UROC1: variants seen among roughly 807,000 people sequenced by gnomAD.
UROC1 encodes urocanate hydratase.
Under a neutral mutation model 89.5 loss-of-function variants are expected in UROC1, and 79 were observed. The observed-to-expected ratio is 0.88, with a 90% CI of 0.74 to 1.06. UROC1 has a LOEUF of 1.06. Ranked by LOEUF, UROC1 falls within the 50% of genes least tolerant of loss-of-function variation. The pLI, the probability that UROC1 is intolerant of heterozygous loss-of-function variation, is 0.00. For missense variants in UROC1, 885 were observed against 907.8 expected, an observed-to-expected ratio of 0.97 and a Z score of 0.32; for synonymous variants, 361 against 354.8, an observed-to-expected ratio of 1.02 and a Z score of -0.20.
intron 10 of UROC1, 138 bp from the exon 11 acceptor site, chr3:126,501,012 C>G (rs1342456399): frequency 2.2e-6 from 3 of 1,369,984 alleles, no homozygotes; most frequent in Non-Finnish European, 3.1e-6. Context: ...CCTGCTTTCC[C>G]CCTGGAAAGA....
At chr3:126,496,974 G>A (rs540212728) in intron 14 of UROC1, among the ~76,000 whole-genome samples, 4 of 152,146 alleles carry the variant, frequency 2.6e-5, no homozygotes, top group African/African-American at 4.8e-5. Flanking sequence ...GCTTCTTTCC[G>A]GAGGGCTGGT....
Position 126,505,810 on chromosome 3 carries a change from C to T in UROC1, c.704G>A (p.Gly235Asp). Residue 235 changes from glycine to aspartate, a missense_variant, in exon 8 of 20, where the codon GGC (glycine) becomes GAC (aspartate). Coordinates refer to ENST00000290868, the MANE Select transcript of UROC1 (RefSeq NM_144639.3). ...GACCTTCCCAGCCAAGTCCTCGATG[C>T]CCAGGTACCGACGTGCAGCATTCAA... is the stretch of plus-strand genomic sequence containing the variant. The part of the protein sequence containing the change: ...TVLNAARRYL[G>D]IEDLAGKVFV... 6.2e-7 allele frequency: 1 copy of T among 1,613,910 alleles called. No homozygotes were observed. Among genetic ancestry groups the T allele is most frequent in the South Asian group, 1.1e-5 (1 of 91,086 alleles).
At chr3:126,495,493 A>T (rs1003604274) in intron 15 of UROC1, among the ~76,000 whole-genome samples, 26 of 152,270 alleles carry the variant, frequency 1.7e-4, no homozygotes, top group African/African-American at 6.3e-4. Context: ...CTTCCGTTTG[A>T]GGCCGAGTCA....
chr3:126,509,307 T>G (rs1229459272), intron 3 of UROC1, among the ~76,000 whole-genome samples: 1 of 151,894 alleles, frequency 6.6e-6, no homozygotes, highest in African/African-American at 2.4e-5. Flanking sequence ...TAGTGTAAAT[T>G]TGTTTATTTT....
chr3:126,506,643 C>G (rs1252009204), intron 6 of UROC1, among the ~76,000 whole-genome samples: 1 of 152,152 alleles, frequency 6.6e-6, no homozygotes, highest in South Asian at 2.1e-4. Context: ...GAGGCCGGCT[C>G]GAATGGTCTA....
rs1267116133 is a variant in UROC1, at chr3:126,481,599, T to G, written c.*746A>C. 2 of 152,210 alleles carry G rather than the reference T, an allele frequency of 1.3e-5. No individual in the cohort carries two copies. Among genetic ancestry groups the G allele is most frequent in the African/African-American group, 4.8e-5 (2 of 41,438 alleles). The allele number at this position is 152,210 out of a possible 1,614,324, so 9.4% of individuals were successfully genotyped here. A position where few individuals can be genotyped will look rare whatever the true frequency, so the allele number is the denominator to read the frequency against. On this transcript the variant is annotated 3_prime_UTR_variant, in exon 20 of 20. Transcript: ENST00000290868. Reference sequence around the variant, plus strand: ...GAATGAGATTCATGAGCCCTGGCCCTGACAGAGGCCACTTCCCCCATCCCG... The same window carrying G: ...GAATGAGATTCATGAGCCCTGGCCCGGACAGAGGCCACTTCCCCCATCCCG...
intron 1 of UROC1, among the ~76,000 whole-genome samples, chr3:126,516,913 A>G (rs539980166): frequency 2.1e-4 from 32 of 151,708 alleles, no homozygotes; most frequent in Admixed American, 1.5e-3. Context: ...ACTGTTTCTG[A>G]AAATCTTGAG....
intron 15 of UROC1, among the ~76,000 whole-genome samples, chr3:126,493,319 A>G (rs1448111971): frequency 6.6e-6 from 1 of 152,210 alleles, no homozygotes; most frequent in African/African-American, 2.4e-5. Context: ...ATATGTGCAC[A>G]CACACGTTCA....
chr3:126,502,012 GA>G, intron 9 of UROC1: 1 of 1,474,484 alleles, frequency 6.8e-7, no homozygotes. Flanking sequence ...GGGGGTTGCG[GA>G]AGTGTGGCAG....
rs1435603820 is a variant in UROC1 at position 126,496,258 on chromosome 3, CT to C, written c.1439-151del. The C allele has an allele frequency of 3.0e-5, 22 of 728,280 alleles. No homozygotes were observed. The Admixed American group carries it at 4.4e-4, about 15-fold the overall frequency. 45.1% of individuals were successfully genotyped at this position (728,280 alleles called of 1,614,324 possible). The stretch of plus-strand genomic sequence containing the variant: ...GGAGCCCACCCCACCCCACCCCTGC[CT>C]TTGTGAACTTGGGGACCAGCAGTGC... On this transcript the variant is annotated intron_variant, in intron 14 of 19. Transcript: ENST00000290868.
intron 15 of UROC1, among the ~76,000 whole-genome samples, chr3:126,492,848 C>G (rs1212080979): frequency 6.6e-6 from 1 of 152,230 alleles, no homozygotes; most frequent in African/African-American, 2.4e-5. Context: ...TTACCTATTG[C>G]GAGCACTGCT....
chr3:126,506,041 G>A (rs1455191832), intron 6 of UROC1, 30 bp from the exon 7 acceptor site: 17 of 1,613,064 alleles, frequency 1.1e-5, no homozygotes, highest in Admixed American at 1.7e-5. Context: ...CCAAGCCCAG[G>A]GCTCAGCCAG....
At position 126,499,388 on chromosome 3, in the gene UROC1, C is replaced by T. The variant is rs147228765; in HGVS notation, c.1265G>A (p.Gly422Asp). The change falls in exon 13 of 20, where the codon GGT becomes GAT. Residue 422 changes from glycine (G) to aspartate (D), a missense_variant. Physicochemically the swap from Gly to Asp is moderately conservative, Grantham distance 94 (BLOSUM62 -1). Coordinates refer to ENST00000290868, the MANE Select transcript of UROC1 (RefSeq NM_144639.3). ...GTAGCGGAACTCTGTCCTGCCAGCA[C>T]CTTTCTTCTCCACATCCGCTCCTGT... Reference protein sequence around the residue: ...QRAGADVEKKGAGRTEFRYPS... With the variant: ...QRAGADVEKKDAGRTEFRYPS... 28 of 1,612,964 alleles carry T rather than the reference C, an allele frequency of 1.7e-5. No homozygotes were observed. In the African/African-American group the frequency reaches 2.7e-4, roughly 15 times the overall value.
At chr3:126,501,706 T>C in intron 9 of UROC1, 1 of 1,427,024 alleles carries the variant, frequency 7.0e-7, no homozygotes, top group Non-Finnish European at 9.5e-7. Context: ...AAACAGAAGA[T>C]TTGAACAGGC....
chr3:126,502,830 A>G (rs1430316286), intron 9 of UROC1, among the ~76,000 whole-genome samples: 1 of 139,944 alleles, frequency 7.1e-6, no homozygotes, highest in Non-Finnish European at 1.5e-5. Context: ...TATGTGTGTT[A>G]AGTGTGTTCA....
At chr3:126,505,314 C>T (rs1271969116) in intron 8 of UROC1, among the ~76,000 whole-genome samples, 1 of 152,134 alleles carries the variant, frequency 6.6e-6, no homozygotes, top group Non-Finnish European at 1.5e-5. Flanking sequence ...CTCTGCCTCC[C>T]CACCTGTTCA....
chr3:126,492,351 GC>G, intron 16 of UROC1, 66 bp downstream of exon 16: 2 of 1,466,908 alleles, frequency 1.4e-6, no homozygotes, highest in South Asian at 2.4e-5. Flanking sequence ...ACGCAGGAAG[GC>G]CCAAGGCAGG....
chr3:126,510,624 G>A, intron 2 of UROC1, 40 bp downstream of exon 2: 1 of 1,610,378 alleles, frequency 6.2e-7, no homozygotes, highest in Non-Finnish European at 8.5e-7. Context: ...GGAGCTGCCT[G>A]CCCCTCGGGT....
At chr3:126,485,437 G>T (rs776294615) in intron 18 of UROC1, among the ~76,000 whole-genome samples, 30 of 152,170 alleles carry the variant, frequency 2.0e-4, no homozygotes, top group Non-Finnish European at 3.7e-4. Context: ...CGTGTGGGTG[G>T]GTGGGGGAGG....
Sources: gnomAD v4.1 joint callset for allele counts (sites outside exome capture counted in the v4.1 genomes callset) on GRCh38, gnomAD v4.1.1 for gene constraint, MANE v1.5 for transcripts, NCBI Gene and HGNC (gene_info 2026-07-23, HGNC 2026-07-21) for gene names.